Variants in SGCD observed in about 807,000 individuals in gnomAD.
The protein encoded by SGCD is delta-sarcoglycan.
A neutral mutation model predicts 36.6 loss-of-function variants in SGCD; 18 were observed. The observed-to-expected ratio is 0.49, with a 90% CI of 0.34 to 0.73. SGCD has a LOEUF of 0.73. SGCD is among the 30% of genes least tolerant of loss of function. The pLI is 0.01. For synonymous variants in SGCD, 133 were observed against 130.6 expected, an observed-to-expected ratio of 1.02 and a Z score of -0.12; for missense variants, 387 against 346.7, an observed-to-expected ratio of 1.12 and a Z score of -0.92.
chr5:155,731,551 C>T, the SGCD span, among the ~76,000 whole-genome samples: 1 of 152,206 alleles, frequency 6.6e-6, no homozygotes, highest in East Asian at 1.9e-4. Context: ...CACTTGGAAC[C>T]CATTGGAGAT....
chr5:156,338,761 G>T (rs182407858), intron 2 of SGCD, among the ~76,000 whole-genome samples: 1 of 152,212 alleles, frequency 6.6e-6, no homozygotes, highest in Non-Finnish European at 1.5e-5. Context: ...CCCTGATGAG[G>T]CTACTGGAGG....
intron 3 of SGCD, among the ~76,000 whole-genome samples, chr5:156,274,050 C>A (rs1326301608): frequency 7.9e-5 from 12 of 152,032 alleles, no homozygotes; most frequent in Non-Finnish European, 7.4e-5. Context: ...GCTGTACTGA[C>A]CTCTGTGTGG....
chr5:156,054,543 C>T (rs1664524632), intron 1 of SGCD, among the ~76,000 whole-genome samples: 1 of 146,382 alleles, frequency 6.8e-6, no homozygotes, highest in African/African-American at 2.5e-5. Flanking sequence ...CCTCAGCCTC[C>T]CAAAGTGATG....
At chr5:155,829,493 T>C in the SGCD span, among the ~76,000 whole-genome samples, 1 of 152,174 alleles carries the variant, frequency 6.6e-6, no homozygotes, top group African/African-American at 2.4e-5. Flanking sequence ...CCAGACACAA[T>C]GAACTCCTGT....
At chr5:156,277,942 G>T (rs752022470) in intron 3 of SGCD, among the ~76,000 whole-genome samples, 1 of 152,086 alleles carries the variant, frequency 6.6e-6, no homozygotes, top group Non-Finnish European at 1.5e-5. Context: ...TGGACATTAC[G>T]CACACAATTG....
At chr5:156,639,775 A>G (rs560155549) in intron 6 of SGCD, among the ~76,000 whole-genome samples, 4 of 151,140 alleles carry the variant, frequency 2.6e-5, no homozygotes, top group Non-Finnish European at 5.9e-5. Flanking sequence ...TGAAATACAT[A>G]CTTCTTTCTC....
At chr5:156,324,229 T>A (rs1000564159), upstream of SGCD, among the ~76,000 whole-genome samples, 3 of 152,202 alleles carry the variant, frequency 2.0e-5, no homozygotes, top group Non-Finnish European at 1.5e-5. Flanking sequence ...ACAAGACTGG[T>A]AATGTCCTGG....
chr5:156,545,673 C>A (rs1448980360), intron 4 of SGCD, among the ~76,000 whole-genome samples: 1 of 152,138 alleles, frequency 6.6e-6, no homozygotes, highest in Non-Finnish European at 1.5e-5. Context: ...CAGTAATGCT[C>A]ACTCGCCTGC....
intron 3 of SGCD, among the ~76,000 whole-genome samples, chr5:156,269,505 A>AAAAAAAAAAACAAAAC (rs1189540837): frequency 2.3e-5 from 2 of 86,174 alleles, no homozygotes; most frequent in African/African-American, 1.0e-4. Flanking sequence ...AAAAAAAAAA[A>AAAAAAAAAAACAAAAC]AAAAACCATC....
At chr5:155,749,671 G>T in the SGCD span, among the ~76,000 whole-genome samples, 1 of 152,206 alleles carries the variant, frequency 6.6e-6, no homozygotes, top group Non-Finnish European at 1.5e-5. Flanking sequence ...ACGGCTGACT[G>T]CAAGAGATTC....
At chr5:156,581,069 C>A (rs548646388) in intron 4 of SGCD, among the ~76,000 whole-genome samples, 8 of 152,096 alleles carry the variant, frequency 5.3e-5, no homozygotes, top group Non-Finnish European at 1.2e-4. Context: ...ATGTTGGTGA[C>A]CTTCAGATGG....
chr5:156,642,943 C>A (rs570806472), intron 6 of SGCD, among the ~76,000 whole-genome samples: 1 of 151,992 alleles, frequency 6.6e-6, no homozygotes, highest in African/African-American at 2.4e-5. Flanking sequence ...TTTATACTTT[C>A]AAAGACATGT....
At chr5:156,524,183 A>C (rs1049828326) in intron 4 of SGCD, among the ~76,000 whole-genome samples, 1 of 20,688 alleles carries the variant, frequency 4.8e-5, no homozygotes, top group Non-Finnish European at 1.3e-4. Flanking sequence ...TATAGGTCTT[A>C]CTATATATAT....
intron 3 of SGCD, among the ~76,000 whole-genome samples, chr5:156,318,744 T>C (rs1400168972): frequency 6.6e-6 from 1 of 152,088 alleles, no homozygotes; most frequent in Non-Finnish European, 1.5e-5. Context: ...TACAGTTGTG[T>C]GCCCCCTCGC....
intron 7 of SGCD, among the ~76,000 whole-genome samples, chr5:156,664,373 C>T (rs1416311530): frequency 3.4e-5 from 5 of 149,192 alleles, no homozygotes; most frequent in South Asian, 2.1e-4. Context: ...GCTTTTTCAT[C>T]GGCAATTGAC....
At chr5:156,742,995 A>T (rs563165021) in intron 7 of SGCD, among the ~76,000 whole-genome samples, 1 of 152,212 alleles carries the variant, frequency 6.6e-6, no homozygotes, top group Non-Finnish European at 1.5e-5. Context: ...CCTGTGGTTT[A>T]GTCAAGTTGA....
At chr5:156,243,511 A>C (rs2127657350) in intron 3 of SGCD, among the ~76,000 whole-genome samples, 1 of 152,310 alleles carries the variant, frequency 6.6e-6, no homozygotes, top group South Asian at 2.1e-4. Context: ...CATTGCATTG[A>C]GATTGGAAGC....
intron 1 of SGCD, among the ~76,000 whole-genome samples, chr5:155,888,993 C>T (rs1039856367): frequency 6.6e-6 from 1 of 152,176 alleles, no homozygotes; most frequent in African/African-American, 2.4e-5. Flanking sequence ...ATGGCTTTCA[C>T]GAAGTGACTT....
At chr5:156,048,504 T>C (rs931535519) in intron 1 of SGCD, among the ~76,000 whole-genome samples, 1 of 152,240 alleles carries the variant, frequency 6.6e-6, no homozygotes, top group African/African-American at 2.4e-5. Flanking sequence ...GACTTTTTAA[T>C]GATTGCCATT....
Sources: allele counts gnomAD v4.1 joint callset (sites outside exome capture counted in the v4.1 genomes callset), GRCh38; gene constraint gnomAD v4.1.1; transcripts MANE v1.5; gene names NCBI Gene and HGNC (gene_info 2026-07-23, HGNC 2026-07-21).